The following MECOM variants were observed in gnomAD, a reference collection of about 807,000 sequenced individuals.
MECOM encodes the protein MDS1 and EVI1 complex locus, also known as histone-lysine N-methyltransferase MECOM.
MECOM carries 13 observed loss-of-function variants against 116.3 expected under a neutral mutation model. The observed-to-expected ratio is 0.11, with a 90% confidence interval of 0.07 to 0.18. The LOEUF (loss-of-function observed/expected upper bound fraction) is 0.18. Ranked by LOEUF, MECOM falls within the 10% of genes least tolerant of loss-of-function variation. The probability of loss-of-function intolerance (pLI) is 1.00; values close to 1 mark genes in which losing one functional copy is unlikely to be tolerated. For synonymous variants in MECOM, 528 were observed against 535.2 expected (o/e 0.99, Z 0.19); for missense variants, 1,299 against 1,509.0 (o/e 0.86, Z 2.31).
At chr3:169,396,293 A>G (rs1383884154) in intron 1 of MECOM, among the ~76,000 whole-genome samples, 1 of 152,174 alleles carries the variant, frequency 6.6e-6, no homozygotes, top group Admixed American at 6.5e-5. Context: ...AAATTCTCTT[A>G]ATGTATTTGA....
chr3:169,576,704 G>C (rs1228072898), intron 1 of MECOM, among the ~76,000 whole-genome samples: 1 of 151,918 alleles, frequency 6.6e-6, no homozygotes, highest in Non-Finnish European at 1.5e-5. Flanking sequence ...ATGAGAGTGG[G>C]GTTGAAACTT....
chr3:169,470,426 A>G (rs1019848710), intron 1 of MECOM, among the ~76,000 whole-genome samples: 40 of 152,204 alleles, frequency 2.6e-4, no homozygotes, highest in Non-Finnish European at 5.1e-4. Context: ...CCACACTCAG[A>G]TCATTGGAGG....
intron 2 of MECOM, among the ~76,000 whole-genome samples, chr3:169,185,031 CA>C (rs1247282346): frequency 2.6e-5 from 4 of 152,042 alleles, no homozygotes; most frequent in Admixed American, 2.6e-4. Flanking sequence ...CTATTAACCC[CA>C]AAAGGAATAA....
Position 169,378,444 on chromosome 3 carries a change from AGAAAGAAG to A in MECOM, c.375+2735_375+2742del, listed in dbSNP as rs61213144. ...AAGAAAGAAAGAAAGAAAGAAAGAA[AGAAAGAAG>A]GAAAGCAAGCAAGCAAGCAAGCAAG... is the stretch of plus-strand genomic sequence containing the variant. On this transcript the variant is annotated intron_variant, in intron 2 of 16. Transcript: ENST00000651503. 2.5e-3 allele frequency among the ~76,000 whole-genome samples: 205 copies of A among 82,224 alleles called. 21 individuals carry two copies. The highest frequency in any genetic ancestry group is 8.1e-3 in the Admixed American group (60 of 7,412). 53.9% of individuals were successfully genotyped at this position (82,224 alleles called of 152,430 possible).
Position 169,191,772 on chromosome 3 carries a change from A to G in MECOM, c.376-47940T>C, listed in dbSNP as rs1458671928. Among the ~76,000 whole-genome samples, 15 of 135,464 alleles carry G rather than the reference A, an allele frequency of 1.1e-4. 1 individual carries two copies. The highest frequency in any genetic ancestry group is 1.1e-3 in the Admixed American group (14 of 13,254). The allele number at this position is 135,464 out of a possible 152,430, so 88.9% of individuals were successfully genotyped here. ...AAAGAAAGAAAGAAAGAAAGAAAGA[A>G]AGAAAGAAAGAAAGAAAGAAAGGGA... On this transcript the variant is annotated intron_variant, in intron 2 of 16. Coordinates refer to ENST00000651503, the MANE Select transcript of MECOM (RefSeq NM_004991.4).
chr3:169,456,720 C>T (rs1232064104), intron 1 of MECOM, among the ~76,000 whole-genome samples: 1 of 152,116 alleles, frequency 6.6e-6, no homozygotes, highest in Non-Finnish European at 1.5e-5. Flanking sequence ...TTTCCATCAT[C>T]CCCTCCGTAA....
At chr3:169,166,990 C>G (rs1216274941) in intron 2 of MECOM, among the ~76,000 whole-genome samples, 4 of 151,994 alleles carry the variant, frequency 2.6e-5, no homozygotes, top group African/African-American at 9.7e-5. Flanking sequence ...AGAATTGTAG[C>G]TGTGAGATCA....
Position 169,338,628 on chromosome 3 carries a change from T to G in MECOM, c.375+42559A>C, listed in dbSNP as rs1200879280. 2.0e-5 allele frequency among the ~76,000 whole-genome samples: 3 copies of G among 151,676 alleles called. No homozygotes were observed. In the East Asian group the frequency reaches 5.8e-4, roughly 29 times the overall value. On this transcript the variant is annotated intron_variant, in intron 2 of 16. Coordinates refer to ENST00000651503, the MANE Select transcript of MECOM (RefSeq NM_004991.4). ...GTGTGTGTGTGTGTGTGTGTGTGTGTGTGTTGGGAAGCATAGAAGCTGCAA... is the reference window on the plus strand; with the variant it reads ...GTGTGTGTGTGTGTGTGTGTGTGTGGGTGTTGGGAAGCATAGAAGCTGCAA...
chr3:169,308,178 T>C (rs1029602120), intron 2 of MECOM, among the ~76,000 whole-genome samples: 2 of 152,080 alleles, frequency 1.3e-5, no homozygotes, highest in East Asian at 2.0e-4. Context: ...TTTTACTAGA[T>C]GATAAACTCC....
At chr3:169,472,550 AAAGAAAAGAG>A (rs1560318153) in intron 1 of MECOM, among the ~76,000 whole-genome samples, 145 of 90,568 alleles carry the variant, frequency 1.6e-3, no homozygotes, top group Non-Finnish European at 2.2e-3. Context: ...AAGGAAAGGA[AAAGAAAAGAG>A]AGGAGAGGAG....
At chr3:169,368,518 C>A (rs1478392738) in intron 2 of MECOM, among the ~76,000 whole-genome samples, 1 of 151,906 alleles carries the variant, frequency 6.6e-6, no homozygotes, top group South Asian at 2.1e-4. Flanking sequence ...ATTATTGGAA[C>A]AAATTCTCTT....
chr3:169,557,046 A>C (rs1319625120), intron 1 of MECOM, among the ~76,000 whole-genome samples: 1 of 152,182 alleles, frequency 6.6e-6, no homozygotes, highest in Non-Finnish European at 1.5e-5. Flanking sequence ...GAATGTGCCC[A>C]GATCTACACA....
chr3:169,263,610 A>AT (rs1757905769), intron 2 of MECOM, among the ~76,000 whole-genome samples: 1 of 152,036 alleles, frequency 6.6e-6, no homozygotes, highest in South Asian at 2.1e-4. Flanking sequence ...GGAAATGGTA[A>AT]TTCTAGGCCT....
chr3:169,164,823 A>G (rs1743330343), intron 2 of MECOM, among the ~76,000 whole-genome samples: 1 of 152,162 alleles, frequency 6.6e-6, no homozygotes, highest in African/African-American at 2.4e-5. Context: ...AATCTAGCAT[A>G]TCTGTCCTTG....
intron 1 of MECOM, among the ~76,000 whole-genome samples, chr3:169,629,786 G>A (rs1033466216): frequency 2.6e-5 from 4 of 152,180 alleles, no homozygotes; most frequent in Admixed American, 6.5e-5. Context: ...CCACTGCCAC[G>A]AAGGCCCATT....
intron 9 of MECOM, among the ~76,000 whole-genome samples, chr3:169,112,008 G>A (rs1727561183): frequency 6.6e-6 from 1 of 151,904 alleles, no homozygotes; most frequent in African/African-American, 2.4e-5. Context: ...TATCTATAAA[G>A]ACCAGAGCTT....
intron 2 of MECOM, among the ~76,000 whole-genome samples, chr3:169,301,954 C>T (rs1716793935): frequency 6.6e-6 from 1 of 152,116 alleles, no homozygotes; most frequent in African/African-American, 2.4e-5. Context: ...TTTAAATACC[C>T]AGATGATGTT....
chr3:169,455,648 G>A (rs1288512029), intron 1 of MECOM, among the ~76,000 whole-genome samples: 1 of 152,166 alleles, frequency 6.6e-6, no homozygotes, highest in African/African-American at 2.4e-5. Context: ...ACAACTTCCA[G>A]AACAGTAAAC....
chr3:169,384,380 A>T (rs1287368246), intron 1 of MECOM, among the ~76,000 whole-genome samples: 1 of 152,194 alleles, frequency 6.6e-6, no homozygotes, highest in East Asian at 1.9e-4. Context: ...CCAAAGAAAT[A>T]TTATCAGAGA....
Sources: allele counts gnomAD v4.1 joint callset (sites outside exome capture counted in the v4.1 genomes callset), GRCh38; gene constraint gnomAD v4.1.1; transcripts MANE v1.5; gene names NCBI Gene and HGNC (gene_info 2026-07-23, HGNC 2026-07-21).